Variants in PLAC1 observed in about 807,000 individuals in gnomAD.
PLAC1 encodes the protein placenta associated 1, also known as placenta-specific protein 1.
For synonymous variants in PLAC1, 68 were observed against 62.1 expected (o/e 1.09, Z -0.44); for missense variants, 136 against 163.2 (o/e 0.83, Z 0.91).
chrX:134,616,705 A>C (rs1197549831), intron 1 of PLAC1, among the ~76,000 whole-genome samples: 2 of 111,657 alleles, frequency 1.8e-5, no homozygotes, highest in Non-Finnish European at 3.8e-5. Context: ...GTTCCACACA[A>C]ATTTTAGAAT....
At chrX:134,725,336 G>A (rs751855131) in intron 2 of PLAC1, among the ~76,000 whole-genome samples, 1 of 110,610 alleles carries the variant, frequency 9.0e-6, no homozygotes, top group African/African-American at 3.3e-5. Context: ...CTGGAGTTTA[G>A]AACTTGCCCC....
chrX:134,570,884 A>T (rs1229740841), intron 2 of PLAC1, among the ~76,000 whole-genome samples: 1 of 112,066 alleles, frequency 8.9e-6, no homozygotes, highest in Non-Finnish European at 1.9e-5. Flanking sequence ...GCCTTAATAA[A>T]TTTTCTACAT....
chrX:134,665,942 T>C (rs1602891412), intron 2 of PLAC1, among the ~76,000 whole-genome samples: 2 of 111,190 alleles, frequency 1.8e-5, no homozygotes, highest in South Asian at 3.9e-4. Flanking sequence ...CAGCATGACC[T>C]TGGCTCAAAA....
intron 1 of PLAC1, among the ~76,000 whole-genome samples, chrX:134,603,267 TTTTATATATA>T (rs1569384254): frequency 1.7e-4 from 5 of 29,255 alleles, no homozygotes; most frequent in South Asian, 4.7e-3. Context: ...GCTCTCTGTA[TTTTATATATA>T]TATATATATA....
chrX:134,723,113 G>A (rs1306297601), intron 2 of PLAC1, among the ~76,000 whole-genome samples: 1 of 110,762 alleles, frequency 9.0e-6, no homozygotes, highest in Non-Finnish European at 1.9e-5. Flanking sequence ...CTTTTCACAA[G>A]TAATAATTAT....
chrX:134,586,387 C>T (rs752663935), intron 2 of PLAC1, among the ~76,000 whole-genome samples: 12 of 112,283 alleles, frequency 1.1e-4, no homozygotes, highest in Non-Finnish European at 2.1e-4. Flanking sequence ...AAATGTACAG[C>T]ATTCCCCTTA....
chrX:134,707,280 T>C (rs2078607591), intron 2 of PLAC1, among the ~76,000 whole-genome samples: 2 of 112,805 alleles, frequency 1.8e-5, no homozygotes, highest in South Asian at 7.3e-4. Flanking sequence ...GCAGGAACAC[T>C]AACAGAATTT....
chrX:134,626,484 A>T (rs2078237547), intron 1 of PLAC1, among the ~76,000 whole-genome samples: 1 of 112,683 alleles, frequency 8.9e-6, no homozygotes, highest in Admixed American at 9.4e-5. Context: ...TTGTCTCCAC[A>T]CATAGGTCTC....
chrX:134,574,069 CTG>C (rs2077924655), intron 2 of PLAC1, among the ~76,000 whole-genome samples: 1 of 103,259 alleles, frequency 9.7e-6, no homozygotes, highest in Non-Finnish European at 1.9e-5. Flanking sequence ...CTCTCTCTCT[CTG>C]TCTCTCTCTC....
In PLAC1 at chrX:134,693,147, T is replaced by C. The variant is rs138270041; in HGVS notation, n.174+40288A>G. Among the ~76,000 whole-genome samples the C allele has an allele frequency of 4.2e-3, 465 of 111,596 alleles. 1 individual carries two copies. Among genetic ancestry groups the C allele is most frequent in the African/African-American group, 0.015 (452 of 30,691 alleles). On this transcript the variant is annotated intron_variant and non_coding_transcript_variant, in intron 2 of 2. Transcript: ENST00000466797. ...TTTTATTATTCCCTTCCACAGGCTTTACTGCCCACCCCCATGTATTTCAGG... is the reference window on the plus strand; with the variant it reads ...TTTTATTATTCCCTTCCACAGGCTTCACTGCCCACCCCCATGTATTTCAGG...
chrX:134,652,528 T>C (rs2078368777), intron 1 of PLAC1, among the ~76,000 whole-genome samples: 2 of 111,213 alleles, frequency 1.8e-5, no homozygotes, highest in Admixed American at 1.9e-4. Flanking sequence ...ACCACAGGGG[T>C]TGAATCAATA....
At chrX:134,613,876 C>G (rs2078166393) in intron 1 of PLAC1, among the ~76,000 whole-genome samples, 2 of 111,105 alleles carry the variant, frequency 1.8e-5, no homozygotes, top group South Asian at 7.8e-4. Context: ...CTCACAGCCC[C>G]TCACCGCCTA....
chrX:134,622,937 C>T (rs1307469242), intron 1 of PLAC1, among the ~76,000 whole-genome samples: 1 of 111,735 alleles, frequency 8.9e-6, no homozygotes, highest in Admixed American at 9.5e-5. Context: ...AGCATTTTAT[C>T]TGTGTGTGGT....
chrX:134,607,921 AG>A (rs1461235881), intron 1 of PLAC1, among the ~76,000 whole-genome samples: 1 of 111,597 alleles, frequency 9.0e-6, no homozygotes, highest in Non-Finnish European at 1.9e-5. Context: ...AATGCATCCT[AG>A]ACAACACCTG....
At chrX:134,612,348 T>C (rs1362604222) in intron 1 of PLAC1, among the ~76,000 whole-genome samples, 1 of 112,279 alleles carries the variant, frequency 8.9e-6, no homozygotes, top group Non-Finnish European at 1.9e-5. Context: ...AGATTATGTA[T>C]GTAAAGCGTT....
chrX:134,636,698 A>G, intron 1 of PLAC1, among the ~76,000 whole-genome samples: 1 of 112,399 alleles, frequency 8.9e-6, no homozygotes, highest in Admixed American at 9.4e-5. Flanking sequence ...CTGACAGACC[A>G]AGGTCCCTAA....
chrX:134,567,643 A>T (rs1255595146), intron 2 of PLAC1, among the ~76,000 whole-genome samples: 1 of 108,902 alleles, frequency 9.2e-6, no homozygotes, highest in Non-Finnish European at 1.9e-5. Flanking sequence ...CTGTAGTATG[A>T]GCTACTCGGG....
intron 2 of PLAC1, among the ~76,000 whole-genome samples, chrX:134,594,292 CTGTT>C (rs2078052760): frequency 9.0e-6 from 1 of 111,554 alleles, no homozygotes; most frequent in South Asian, 3.7e-4. Flanking sequence ...TTGCTGAAGT[CTGTT>C]TGCTAATATT....
chrX:134,715,916 C>T (rs755673955), intron 2 of PLAC1, among the ~76,000 whole-genome samples: 73 of 112,559 alleles, frequency 6.5e-4, no homozygotes, highest in Admixed American at 1.1e-3. Flanking sequence ...AGACATAAAA[C>T]ACAAACTTCC....
Sources: allele counts gnomAD v4.1 joint callset (sites outside exome capture counted in the v4.1 genomes callset), GRCh38; gene constraint gnomAD v4.1.1; transcripts MANE v1.5; gene names NCBI Gene and HGNC (gene_info 2026-07-23, HGNC 2026-07-21).